PREX1: variants seen among roughly 807,000 people sequenced by gnomAD.
PREX1 encodes the protein phosphatidylinositol 3,4,5-trisphosphate-dependent Rac exchanger 1 protein.
PREX1 carries 41 observed loss-of-function variants against 198.3 expected under a neutral mutation model. The observed-to-expected ratio is 0.21, with a 90% CI of 0.16 to 0.27. The LOEUF is 0.27. Ranked by LOEUF, PREX1 falls within the 10% of genes least tolerant of loss-of-function variation. The pLI is 1.00. For missense variants in PREX1, 1,620 were observed against 2,200.7 expected, an observed-to-expected ratio of 0.74 and a Z score of 5.28; for synonymous variants, 843 against 887.2, an observed-to-expected ratio of 0.95 and a Z score of 0.89.
the PREX1 span, among the ~76,000 whole-genome samples, chr20:48,837,647 A>G: frequency 6.6e-6 from 1 of 152,196 alleles, no homozygotes; most frequent in Non-Finnish European, 1.5e-5. Flanking sequence ...GAGGGGAGCA[A>G]CAGACACTAG....
At chr20:48,707,038 CA>C (rs1345841220) in intron 6 of PREX1, among the ~76,000 whole-genome samples, 2 of 152,236 alleles carry the variant, frequency 1.3e-5, no homozygotes, top group African/African-American at 4.8e-5. Context: ...ACTGCAAAGC[CA>C]TCCCATGGCT....
intron 6 of PREX1, among the ~76,000 whole-genome samples, 169 bp from the exon 7 acceptor site, chr20:48,701,055 G>A (rs1453417974): frequency 6.6e-6 from 1 of 152,150 alleles, no homozygotes; most frequent in Non-Finnish European, 1.5e-5. Flanking sequence ...TATCTGCTGA[G>A]CATGCCATGA....
At chr20:48,854,084 A>G in the PREX1 span, among the ~76,000 whole-genome samples, 1 of 152,148 alleles carries the variant, frequency 6.6e-6, no homozygotes, top group Admixed American at 6.5e-5. Flanking sequence ...GCTAATCTCC[A>G]ACTCTCCTCT....
At chr20:48,763,120 G>C (rs1444915765) in intron 1 of PREX1, among the ~76,000 whole-genome samples, 1 of 152,226 alleles carries the variant, frequency 6.6e-6, no homozygotes, top group Non-Finnish European at 1.5e-5. Flanking sequence ...CTGTATGGTG[G>C]TACGTGAATT....
chr20:48,685,630 G>A (rs969175765), intron 10 of PREX1, among the ~76,000 whole-genome samples: 1 of 152,182 alleles, frequency 6.6e-6, no homozygotes. Context: ...CCTTGGGGGT[G>A]ATAAAGACAA....
At chr20:48,647,757 CT>C (rs2089462294) in intron 25 of PREX1, among the ~76,000 whole-genome samples, 1 of 152,166 alleles carries the variant, frequency 6.6e-6, no homozygotes, top group Non-Finnish European at 1.5e-5. Flanking sequence ...AGTCTACATT[CT>C]TTTTTTCCCT....
Position 48,629,560 on chromosome 20 carries a change from G to T in PREX1, c.4655C>A (p.Pro1552Gln). The T allele has an allele frequency of 3.1e-6, 5 of 1,614,180 alleles. No individual in the cohort carries two copies. The highest frequency in any genetic ancestry group is 4.2e-6 in the Non-Finnish European group (5 of 1,180,002). The change falls in exon 37 of 40, where the codon CCA becomes CAA. Residue 1552 changes from proline to glutamine, a missense_variant. By Grantham distance (76) the Pro-to-Gln change is moderately conservative (BLOSUM62 -1). Coordinates refer to ENST00000371941, the MANE Select transcript of PREX1 (RefSeq NM_020820.4). ...LCRLMKSFVH[P>Q]KPGAAGSVGA... Reference sequence around the variant, plus strand: ...CACACTCCCAGCAGCACCAGGCTTTGGGTGGACAAAGGACTTCATGAGGCG... The same window carrying T: ...CACACTCCCAGCAGCACCAGGCTTTTGGTGGACAAAGGACTTCATGAGGCG...
chr20:48,670,962 T>G (rs1221166680), intron 14 of PREX1, among the ~76,000 whole-genome samples: 1 of 152,190 alleles, frequency 6.6e-6, no homozygotes, highest in African/African-American at 2.4e-5. Flanking sequence ...AATAAGATAA[T>G]GCACCAAGCC....
In PREX1 at chr20:48,691,679, C is replaced by T. The variant is rs2089820126; in HGVS notation, c.1037-583G>A. Among the ~76,000 whole-genome samples the T allele has an allele frequency of 6.6e-6, 1 of 152,222 alleles. No individual in the cohort carries two copies. Among genetic ancestry groups the T allele is most frequent in the South Asian group, 2.1e-4 (1 of 4,836 alleles). On this transcript the variant is annotated intron_variant, in intron 8 of 39. Transcript: ENST00000371941. This position sits in a 1 kb window ranked among gnomAD's most constrained non-coding sequence, Gnocchi z 5.0. Reference sequence around the variant, plus strand: ...AAGCACACATACTAGGAGATGCTCACATGAGCCATCAGTGACTGCATGACT... The same window carrying T: ...AAGCACACATACTAGGAGATGCTCATATGAGCCATCAGTGACTGCATGACT...
intron 1 of PREX1, among the ~76,000 whole-genome samples, chr20:48,808,793 G>A (rs761358164): frequency 6.6e-6 from 1 of 152,198 alleles, no homozygotes; most frequent in Non-Finnish European, 1.5e-5. Context: ...CGGCCTCCGT[G>A]TGGATCCTAA....
At chr20:48,721,074 G>T (rs1319305862) in intron 5 of PREX1, among the ~76,000 whole-genome samples, 1 of 152,224 alleles carries the variant, frequency 6.6e-6, no homozygotes. Flanking sequence ...CTGATACTTG[G>T]ACATAAGTAA....
intron 1 of PREX1, among the ~76,000 whole-genome samples, chr20:48,765,830 C>T (rs769910168): frequency 2.0e-5 from 3 of 152,178 alleles, no homozygotes; most frequent in African/African-American, 7.2e-5. Context: ...TGTTAGGAAC[C>T]GGGCCACACA....
chr20:48,626,787 G>C (rs2089276204), intron 39 of PREX1, among the ~76,000 whole-genome samples: 1 of 152,190 alleles, frequency 6.6e-6, no homozygotes, highest in Non-Finnish European at 1.5e-5. Flanking sequence ...ATGGAACTGT[G>C]GACTATTTTT....
At chr20:48,809,709 C>T (rs1333351108) in intron 1 of PREX1, among the ~76,000 whole-genome samples, 1 of 152,186 alleles carries the variant, frequency 6.6e-6, no homozygotes, top group Non-Finnish European at 1.5e-5. Flanking sequence ...AGACACCAAA[C>T]CTGACCGGGA....
At chr20:48,661,244 AC>A (rs999087905) in intron 15 of PREX1, among the ~76,000 whole-genome samples, 20 of 151,020 alleles carry the variant, frequency 1.3e-4, no homozygotes, top group African/African-American at 4.6e-4. Flanking sequence ...ACATGGAGAA[AC>A]CCTGTCTCCA....
chr20:48,784,276 G>A (rs997253462), intron 1 of PREX1, among the ~76,000 whole-genome samples: 3 of 152,108 alleles, frequency 2.0e-5, no homozygotes, highest in South Asian at 2.1e-4. Flanking sequence ...ATGTGGCATC[G>A]TGTAATCATT....
At chr20:48,848,326 C>T in the PREX1 span, among the ~76,000 whole-genome samples, 1 of 151,304 alleles carries the variant, frequency 6.6e-6, no homozygotes, top group African/African-American at 2.4e-5. Context: ...ACAATTGTGG[C>T]TCACTGCACC....
the PREX1 span, among the ~76,000 whole-genome samples, chr20:48,847,099 C>A: frequency 1.3e-5 from 2 of 152,054 alleles, no homozygotes; most frequent in African/African-American, 4.8e-5. Flanking sequence ...ACACCCGGGG[C>A]CTGCTTTGGG....
intron 9 of PREX1, among the ~76,000 whole-genome samples, chr20:48,690,714 G>A (rs140163128): frequency 2.4e-3 from 370 of 152,252 alleles, no homozygotes; most frequent in Middle Eastern, 6.8e-3. Flanking sequence ...GAAGACCTTC[G>A]GGCAAGACCC....
Sources: allele counts gnomAD v4.1 joint callset (sites outside exome capture counted in the v4.1 genomes callset), GRCh38; gene constraint gnomAD v4.1.1; non-coding constraint Gnocchi (gnomAD v3.1); transcripts MANE v1.5; gene names NCBI Gene and HGNC (gene_info 2026-07-23, HGNC 2026-07-21).